Variants in PDE10A observed in about 807,000 individuals in gnomAD.
PDE10A encodes phosphodiesterase 10A, also known as cAMP and cAMP-inhibited cGMP 3',5'-cyclic phosphodiesterase 10A.
Under a neutral mutation model 97.7 loss-of-function variants are expected in PDE10A, and 39 were observed. That is an observed-to-expected ratio of 0.40 (90% CI 0.31 to 0.52). The LOEUF is 0.52. Among genes scored for constraint, PDE10A ranks in the 20% least tolerant of loss-of-function variants. The pLI is 0.56. For missense variants in PDE10A, 731 were observed against 1,047.8 expected (o/e 0.70, Z 4.17); for synonymous variants, 371 against 376.8 (o/e 0.98, Z 0.18).
chr6:165,704,872 A>C (rs1027849095), intron 1 of PDE10A, among the ~76,000 whole-genome samples: 10 of 152,200 alleles, frequency 6.6e-5, no homozygotes, highest in African/African-American at 2.4e-4. Context: ...AACTGACTCC[A>C]TCGACAGTCC....
At chr6:165,460,515 C>T (rs1222721679) in intron 3 of PDE10A, among the ~76,000 whole-genome samples, 1 of 152,162 alleles carries the variant, frequency 6.6e-6, no homozygotes, top group Non-Finnish European at 1.5e-5. Context: ...TGTGAAATAA[C>T]TATTCAGGGA....
intron 19 of PDE10A, among the ~76,000 whole-genome samples, chr6:165,340,642 C>T (rs1562363026): frequency 6.6e-6 from 1 of 152,152 alleles, no homozygotes; most frequent in Non-Finnish European, 1.5e-5. Context: ...AACAAAAATG[C>T]TAAAAAGGAA....
At chr6:165,581,141 C>G (rs2128355068) in intron 1 of PDE10A, among the ~76,000 whole-genome samples, 1 of 152,262 alleles carries the variant, frequency 6.6e-6, no homozygotes, top group Middle Eastern at 3.4e-3. Flanking sequence ...TCTAACTTTA[C>G]CACTCATAAA....
chr6:165,620,931 G>C (rs1456348346), intron 1 of PDE10A, among the ~76,000 whole-genome samples: 1 of 151,186 alleles, frequency 6.6e-6, no homozygotes, highest in African/African-American at 2.4e-5. Flanking sequence ...TGAGACAGGG[G>C]AATCGATTGA....
At chr6:165,381,570 T>C (rs1322791793) in intron 17 of PDE10A, among the ~76,000 whole-genome samples, 1 of 151,914 alleles carries the variant, frequency 6.6e-6, no homozygotes, top group East Asian at 1.9e-4. Context: ...ATTCAAGCGA[T>C]TCTCCTGCCT....
At chr6:165,731,310 T>C (rs1442112680) in intron 1 of PDE10A, among the ~76,000 whole-genome samples, 1 of 152,008 alleles carries the variant, frequency 6.6e-6, no homozygotes, top group Non-Finnish European at 1.5e-5. Context: ...ATGGGGAAAG[T>C]GCTATGGAAA....
At chr6:165,340,784 G>C (rs1382540776) in intron 19 of PDE10A, among the ~76,000 whole-genome samples, 1 of 152,210 alleles carries the variant, frequency 6.6e-6, no homozygotes, top group Non-Finnish European at 1.5e-5. Flanking sequence ...GCAGCTAGGG[G>C]CTGAGATGGG....
chr6:165,828,659 G>C (rs1298390724), intron 1 of PDE10A, among the ~76,000 whole-genome samples: 2 of 152,168 alleles, frequency 1.3e-5, no homozygotes, highest in Non-Finnish European at 2.9e-5. Context: ...TTCGATCACA[G>C]GCTCCTTAAA....
At chr6:165,876,669 T>C (rs1781353432) in intron 1 of PDE10A, among the ~76,000 whole-genome samples, 1 of 152,224 alleles carries the variant, frequency 6.6e-6, no homozygotes, top group Admixed American at 6.5e-5. Flanking sequence ...GGACCTTCAG[T>C]GGTTAAAAAC....
rs186960048 is a variant in PDE10A, at chr6:165,505,869, A to T, written c.995-23526T>A. The stretch of plus-strand genomic sequence containing the variant: ...AGCTGGTCAGTACACAAAACATTTT[A>T]AATTCTGAATTCCAAGAAAAAAAAT... On this transcript the variant is annotated intron_variant, in intron 2 of 21. Transcript: ENST00000539869. Among the ~76,000 whole-genome samples, 165 of 152,344 alleles carry T rather than the reference A, an allele frequency of 1.1e-3. 1 individual carries two copies. The highest frequency in any genetic ancestry group is 3.8e-3 in the African/African-American group (160 of 41,582).
At chr6:165,969,573 C>T (rs934455710) in intron 1 of PDE10A, among the ~76,000 whole-genome samples, 4 of 151,912 alleles carry the variant, frequency 2.6e-5, no homozygotes, top group East Asian at 3.9e-4. Flanking sequence ...AAAGTAATTG[C>T]GGTTTTTGCC....
intron 1 of PDE10A, among the ~76,000 whole-genome samples, chr6:165,930,498 TTTCCCTGCTGAA>T (rs757871710): frequency 1.3e-5 from 2 of 152,210 alleles, no homozygotes; most frequent in Non-Finnish European, 2.9e-5. Flanking sequence ...CAATGTGTTG[TTTCCCTGCTGAA>T]TTCACAGTCC....
Position 165,332,823 on chromosome 6 carries a change from C to T in PDE10A, c.*202G>A, listed in dbSNP as rs1370572586. Reference sequence around the variant, plus strand: ...CTGAACGTGGGGGTGGTCCTGGTTGCTCAGTGTCTATGATGCCTCACAGAA... The same window carrying T: ...CTGAACGTGGGGGTGGTCCTGGTTGTTCAGTGTCTATGATGCCTCACAGAA... On this transcript the variant is annotated 3_prime_UTR_variant, in exon 22 of 22. Coordinates refer to ENST00000539869, the MANE Select transcript of PDE10A (RefSeq NM_001385079.1). 2 of 528,000 alleles carry T rather than the reference C, an allele frequency of 3.8e-6. No homozygotes were observed. Among genetic ancestry groups the T allele is most frequent in the Non-Finnish European group, 3.3e-6 (1 of 299,374 alleles). 32.7% of individuals were successfully genotyped at this position (528,000 alleles called of 1,614,324 possible).
At chr6:165,400,756 C>T (rs1034779303) in intron 13 of PDE10A, among the ~76,000 whole-genome samples, 1 of 152,160 alleles carries the variant, frequency 6.6e-6, no homozygotes, top group Admixed American at 6.6e-5. Context: ...GGCTTGTACA[C>T]AGACCAACTG....
chr6:165,428,087 A>G (rs1789292708), intron 10 of PDE10A, among the ~76,000 whole-genome samples: 1 of 152,168 alleles, frequency 6.6e-6, no homozygotes, highest in Non-Finnish European at 1.5e-5. Flanking sequence ...TAGAAAGAAC[A>G]TTTATTAAAG....
chr6:165,737,727 C>T lies in PDE10A; in HGVS notation c.-614-194159G>A, dbSNP rs115363328. Among the ~76,000 whole-genome samples, 327 of 152,264 alleles carry T rather than the reference C, an allele frequency of 2.1e-3. 4 individuals are homozygous for T. Among genetic ancestry groups the T allele is most frequent in the African/African-American group, 7.4e-3 (307 of 41,560 alleles). ...AGTGGTGAAAAGCAGAAAGATTTTCCTCTAAGATCACGAACAAGACAAGGA... is the reference window on the plus strand; with the variant it reads ...AGTGGTGAAAAGCAGAAAGATTTTCTTCTAAGATCACGAACAAGACAAGGA... On this transcript the variant is annotated intron_variant, in intron 1 of 19. Coordinates refer to the PDE10A transcript ENST00000366882.
intron 7 of PDE10A, among the ~76,000 whole-genome samples, chr6:165,432,216 G>C (rs1417351286): frequency 1.3e-5 from 2 of 152,168 alleles, no homozygotes; most frequent in Non-Finnish European, 2.9e-5. Context: ...AGGTGCTATA[G>C]AGAAAAAGCA....
intron 18 of PDE10A, among the ~76,000 whole-genome samples, chr6:165,376,647 G>T (rs1396707551): frequency 6.6e-6 from 1 of 152,210 alleles, no homozygotes; most frequent in Non-Finnish European, 1.5e-5. Context: ...GGGCACAGCG[G>T]CTCTGGCCTG....
rs567073104 is a variant in PDE10A at position 165,658,137 on chromosome 6, G to A, written c.865+3810C>T. 9.2e-5 allele frequency among the ~76,000 whole-genome samples: 14 copies of A among 152,290 alleles called. No individual in the cohort carries two copies. In the South Asian group the frequency reaches 2.7e-3, roughly 29 times the overall value. On this transcript the variant is annotated intron_variant, in intron 1 of 21. Transcript: ENST00000539869. ...GAGCCCACAAACAGAAGTTAATGGCGAGTCTAGTGTAGTTTGTACGTGTTA... is the reference window on the plus strand; with the variant it reads ...GAGCCCACAAACAGAAGTTAATGGCAAGTCTAGTGTAGTTTGTACGTGTTA...
Sources: gnomAD v4.1 joint callset for allele counts (sites outside exome capture counted in the v4.1 genomes callset) on GRCh38, gnomAD v4.1.1 for gene constraint, MANE v1.5 for transcripts, NCBI Gene and HGNC (gene_info 2026-07-23, HGNC 2026-07-21) for gene names.